The following EEPD1 variants were observed in gnomAD, a reference collection of about 807,000 sequenced individuals.
EEPD1 encodes endonuclease/exonuclease/phosphatase family domain containing 1.
Under a neutral mutation model 46.3 loss-of-function variants are expected in EEPD1, and 17 were observed. The observed-to-expected ratio is 0.37, with a 90% CI of 0.25 to 0.55. The LOEUF is 0.55. Among genes scored for constraint, EEPD1 ranks in the 20% least tolerant of loss-of-function variants. The pLI is 0.83. For synonymous variants in EEPD1, 313 were observed against 315.6 expected (o/e 0.99, Z 0.09); for missense variants, 673 against 745.6 (o/e 0.90, Z 1.13).
intron 6 of EEPD1, among the ~76,000 whole-genome samples, chr7:36,291,909 C>G (rs1272302023): frequency 6.6e-6 from 1 of 152,216 alleles, no homozygotes; most frequent in Non-Finnish European, 1.5e-5. Context: ...AGTGTTCTTT[C>G]AGGATTTCTA....
Position 36,154,488 on chromosome 7 carries a change from G to A in EEPD1, c.164G>A (p.Gly55Glu). ...GAGGAGGAGCTGATGACCCTGCCTGGGGTGACGCGTGCCGTGGCACGCAGC... is the reference window on the plus strand; with the variant it reads ...GAGGAGGAGCTGATGACCCTGCCTGAGGTGACGCGTGCCGTGGCACGCAGC... ...ATEEELMTLP[G>E]VTRAVARSIV... is the part of the protein sequence containing the mutation. Residue 55 changes from glycine to glutamate, a missense_variant, in exon 2 of 8, where the codon GGG becomes GAG. By Grantham distance (98) the Gly-to-Glu change is moderately conservative. Transcript: ENST00000242108. This position sits in a 1 kb window ranked among gnomAD's most constrained non-coding sequence, Gnocchi z 4.2. The A allele has an allele frequency of 6.2e-7, 1 of 1,614,240 alleles. No homozygotes were observed. Among genetic ancestry groups the A allele is most frequent in the Non-Finnish European group, 8.5e-7 (1 of 1,180,052 alleles).
At chr7:36,204,739 C>G (rs1785782047) in intron 2 of EEPD1, among the ~76,000 whole-genome samples, 1 of 152,210 alleles carries the variant, frequency 6.6e-6, no homozygotes, top group Non-Finnish European at 1.5e-5. Flanking sequence ...CCTCTTCCCC[C>G]TCTATATTCC....
chr7:36,297,339 C>G (rs1383457359), intron 7 of EEPD1, 152 bp downstream of exon 7: 2 of 851,516 alleles, frequency 2.3e-6, no homozygotes, highest in African/African-American at 3.4e-5. Flanking sequence ...GAGACAGAAT[C>G]CAGGAATCCA....
Position 36,299,456 on chromosome 7 carries a change from G to C in EEPD1, c.*250G>C. The C allele has an allele frequency of 1.8e-6, 1 of 550,522 alleles. No individual in the cohort carries two copies. The highest frequency in any genetic ancestry group is 1.9e-5 in the African/African-American group (1 of 53,102). The allele number at this position is 550,522 out of a possible 1,614,324, so 34.1% of individuals were successfully genotyped here. A position where few individuals can be genotyped will look rare whatever the true frequency, so the allele number is the denominator to read the frequency against. ...GGAGCGGAGACGCCTTTTATCTCTG[G>C]ATGCCACAGACCTGAGCAGCATTGG... On this transcript the variant is annotated 3_prime_UTR_variant, in exon 8 of 8. Transcript: ENST00000242108.
At chr7:36,286,867 C>T (rs1301734483) in intron 5 of EEPD1, among the ~76,000 whole-genome samples, 1 of 152,162 alleles carries the variant, frequency 6.6e-6, no homozygotes, top group Non-Finnish European at 1.5e-5. Flanking sequence ...TGGGGTCTCA[C>T]TATGTTGGCC....
chr7:36,287,595 G>A (rs542284277), intron 5 of EEPD1, 44 bp from the exon 6 acceptor site: 6 of 1,593,522 alleles, frequency 3.8e-6, no homozygotes, highest in African/African-American at 2.7e-5. Flanking sequence ...CAGGAAATAT[G>A]AGCTTCTGAG....
intron 3 of EEPD1, among the ~76,000 whole-genome samples, chr7:36,280,864 C>A (rs954350871): frequency 6.6e-6 from 1 of 152,192 alleles, no homozygotes; most frequent in Non-Finnish European, 1.5e-5. Context: ...GAATCAATTT[C>A]TGTGAACTGA....
At chr7:36,244,418 CAT>C (rs1359747689) in intron 3 of EEPD1, among the ~76,000 whole-genome samples, 2 of 152,220 alleles carry the variant, frequency 1.3e-5, no homozygotes, top group Non-Finnish European at 2.9e-5. Flanking sequence ...TTTAAGGTCT[CAT>C]AGAAAATAAG....
At chr7:36,246,081 C>T (rs181738039) in intron 3 of EEPD1, among the ~76,000 whole-genome samples, 40 of 152,336 alleles carry the variant, frequency 2.6e-4, no homozygotes, top group Non-Finnish European at 4.3e-4. Flanking sequence ...ATAGTTTGGC[C>T]GGTCATTCCA....
At chr7:36,175,754 C>G (rs1322381400) in intron 2 of EEPD1, among the ~76,000 whole-genome samples, 3 of 152,136 alleles carry the variant, frequency 2.0e-5, no homozygotes, top group Non-Finnish European at 4.4e-5. Flanking sequence ...AGAATCATTC[C>G]CAGTTGAGAG....
At chr7:36,255,620 G>T (rs1786817529) in intron 3 of EEPD1, among the ~76,000 whole-genome samples, 1 of 152,210 alleles carries the variant, frequency 6.6e-6, no homozygotes. Context: ...TTGCGTACAA[G>T]TGTTTATAGT....
chr7:36,274,469 A>T (rs196580), intron 3 of EEPD1, among the ~76,000 whole-genome samples: 2 of 152,022 alleles, frequency 1.3e-5, no homozygotes, highest in African/African-American at 4.8e-5. Flanking sequence ...TATTTAGCAG[A>T]CCAAACATGG....
intron 2 of EEPD1, among the ~76,000 whole-genome samples, chr7:36,223,157 T>A (rs1011701386): frequency 1.3e-5 from 2 of 151,100 alleles, no homozygotes; most frequent in Non-Finnish European, 3.0e-5. Flanking sequence ...TCTCAAAAAA[T>A]AAATAAATAA....
chr7:36,175,783 T>G (rs1785166414), intron 2 of EEPD1, among the ~76,000 whole-genome samples: 2 of 152,134 alleles, frequency 1.3e-5, no homozygotes, highest in Non-Finnish European at 2.9e-5. Context: ...CCAGAGCCAT[T>G]TTAAAGGTAC....
intron 3 of EEPD1, among the ~76,000 whole-genome samples, chr7:36,260,052 T>C (rs543103672): frequency 6.6e-6 from 1 of 152,348 alleles, no homozygotes; most frequent in African/African-American, 2.4e-5. Flanking sequence ...GGCCCAGCAA[T>C]ACAGTCATAT....
intron 3 of EEPD1, 121 bp downstream of exon 3, chr7:36,239,157 A>G: frequency 1.0e-6 from 1 of 976,782 alleles, no homozygotes; most frequent in Non-Finnish European, 1.6e-6. Context: ...GTTATTTTGT[A>G]TTCCTGACAG....
intron 6 of EEPD1, among the ~76,000 whole-genome samples, chr7:36,291,631 C>T (rs566290088): frequency 2.6e-5 from 4 of 152,326 alleles, no homozygotes; most frequent in South Asian, 4.1e-4. Context: ...TAGAGGAGGG[C>T]GCCATCTGCA....
At chr7:36,258,765 G>A (rs961587976) in intron 3 of EEPD1, among the ~76,000 whole-genome samples, 3 of 152,084 alleles carry the variant, frequency 2.0e-5, no homozygotes, top group Admixed American at 6.6e-5. Flanking sequence ...GGGTTCCGTG[G>A]GGTTGGGATC....
At chr7:36,237,191 G>A (rs1052182355) in intron 2 of EEPD1, among the ~76,000 whole-genome samples, 1 of 152,178 alleles carries the variant, frequency 6.6e-6, no homozygotes, top group African/African-American at 2.4e-5. Flanking sequence ...CCACCATAAG[G>A]AAGAAACTCC....
Sources: allele counts gnomAD v4.1 joint callset (sites outside exome capture counted in the v4.1 genomes callset), GRCh38; gene constraint gnomAD v4.1.1; non-coding constraint Gnocchi (gnomAD v3.1); transcripts MANE v1.5; gene names NCBI Gene and HGNC (gene_info 2026-07-23, HGNC 2026-07-21).